The following TTC6 variants were observed in gnomAD, a reference collection of about 807,000 sequenced individuals.
The protein encoded by TTC6 is tetratricopeptide repeat domain 6, also known as tetratricopeptide repeat protein 6.
Under a neutral mutation model 210.4 loss-of-function variants are expected in TTC6, and 172 were observed. The observed-to-expected ratio is 0.82, with a 90% confidence interval of 0.72 to 0.93. The LOEUF (loss-of-function observed/expected upper bound fraction) is 0.93, where lower values mean the gene tolerates loss of function less well. Among genes scored for constraint, TTC6 ranks in the 40% least tolerant of loss-of-function variants. The pLI, the probability that TTC6 is intolerant of heterozygous loss-of-function variation, is 0.00. For synonymous variants in TTC6, 804 were observed against 819.6 expected, an observed-to-expected ratio of 0.98 and a Z score of 0.32; for missense variants, 2,414 against 2,318.1, an observed-to-expected ratio of 1.04 and a Z score of -0.85.
intron 1 of TTC6, among the ~76,000 whole-genome samples, chr14:37,631,834 C>G (rs1174712964): frequency 3.9e-5 from 6 of 152,106 alleles, no homozygotes; most frequent in African/African-American, 1.4e-4. Context: ...TTTCTCTAAT[C>G]TTGTCTTCAC....
At chr14:37,746,118 AT>A (rs1461980585) in intron 10 of TTC6, among the ~76,000 whole-genome samples, 1 of 152,152 alleles carries the variant, frequency 6.6e-6, no homozygotes, top group Non-Finnish European at 1.5e-5. Context: ...TATTGTGGTC[AT>A]TGTATCTACC....
At chr14:37,651,410 T>TAC in intron 1 of TTC6, among the ~76,000 whole-genome samples, 1 of 20,922 alleles carries the variant, frequency 4.8e-5, no homozygotes, top group East Asian at 1.4e-3. Context: ...TATATATATA[T>TAC]ATATATATAT....
intron 14 of TTC6, among the ~76,000 whole-genome samples, chr14:37,764,251 T>G (rs1349503410): frequency 6.6e-6 from 1 of 152,192 alleles, no homozygotes; most frequent in Non-Finnish European, 1.5e-5. Flanking sequence ...ACTCAGCTGT[T>G]GTTAGATGAA....
chr14:37,674,119 C>T (rs1028079157), intron 1 of TTC6, among the ~76,000 whole-genome samples: 2 of 151,822 alleles, frequency 1.3e-5, no homozygotes, highest in South Asian at 4.2e-4. Context: ...ATGTCTCAGT[C>T]ATTTTTTTTT....
At chr14:37,737,411 G>A (rs896578204) in intron 8 of TTC6, among the ~76,000 whole-genome samples, 5 of 136,850 alleles carry the variant, frequency 3.7e-5, no homozygotes, top group Non-Finnish European at 8.0e-5. Flanking sequence ...CTTGGTGTTT[G>A]TTATATCAAG....
exon 1 of TTC6, chr14:37,622,795 G>C: frequency 6.5e-7 from 1 of 1,534,558 alleles, no homozygotes; most frequent in Non-Finnish European, 8.7e-7. Flanking sequence ...GAAGCGGCGG[G>C]GTTAGGAGCC....
intron 9 of TTC6, among the ~76,000 whole-genome samples, chr14:37,738,477 A>G (rs192763474): frequency 2.2e-3 from 336 of 152,148 alleles, no homozygotes; most frequent in African/African-American, 7.8e-3. Flanking sequence ...GGATATATAG[A>G]GAGCATTCTC....
At chr14:37,837,778 A>G (rs1000692301) in intron 29 of TTC6, among the ~76,000 whole-genome samples, 3 of 152,210 alleles carry the variant, frequency 2.0e-5, no homozygotes, top group Non-Finnish European at 2.9e-5. Flanking sequence ...ATGTAAACCC[A>G]GCAATCTGAC....
chr14:37,811,132 T>C (rs563628802), intron 24 of TTC6, among the ~76,000 whole-genome samples: 2 of 152,180 alleles, frequency 1.3e-5, no homozygotes, highest in Non-Finnish European at 2.9e-5. Flanking sequence ...CTTACCCTCG[T>C]TGACCTTTAC....
chr14:37,713,223 T>C (rs2095847393), intron 5 of TTC6, among the ~76,000 whole-genome samples: 1 of 152,184 alleles, frequency 6.6e-6, no homozygotes, highest in Non-Finnish European at 1.5e-5. Flanking sequence ...AACTCAACAT[T>C]GTCATGACTG....
exon 30 of TTC6, chr14:37,841,652 G>C: frequency 6.2e-7 from 1 of 1,602,926 alleles, no homozygotes. Flanking sequence ...TGAACTAGCT[G>C]AGGAAGACCT....
At chr14:37,739,582 A>G (rs1382254751) in intron 10 of TTC6, among the ~76,000 whole-genome samples, 1 of 147,948 alleles carries the variant, frequency 6.8e-6, no homozygotes, top group Non-Finnish European at 1.5e-5. Flanking sequence ...AAAAAAAAAA[A>G]AAAAAAAAGA....
intron 13 of TTC6, among the ~76,000 whole-genome samples, chr14:37,751,995 T>C (rs183264667): frequency 6.6e-6 from 1 of 152,064 alleles, no homozygotes; most frequent in Admixed American, 6.6e-5. Context: ...GGTTAATTTT[T>C]TTTGTATTTT....
At chr14:37,659,823 C>T (rs1038518566) in intron 1 of TTC6, among the ~76,000 whole-genome samples, 2 of 152,018 alleles carry the variant, frequency 1.3e-5, no homozygotes, top group East Asian at 1.9e-4. Context: ...GCTTGGCCTT[C>T]GTTGTGGTTT....
At chr14:37,835,327 G>GT (rs199775244) in intron 29 of TTC6, among the ~76,000 whole-genome samples, 10 of 151,866 alleles carry the variant, frequency 6.6e-5, no homozygotes, top group Admixed American at 1.3e-4. Flanking sequence ...AGGGTAAGAG[G>GT]TTTTTTTTGT....
At chr14:37,777,770 GTTTT>G (rs71127243) in intron 14 of TTC6, among the ~76,000 whole-genome samples, 28,961 of 136,380 alleles carry the variant, frequency 0.21, 3,308 homozygotes, top group East Asian at 0.34. Flanking sequence ...CTTCGTGTAG[GTTTT>G]TTTTTTTTTT....
intron 1 of TTC6, among the ~76,000 whole-genome samples, chr14:37,673,975 G>C (rs2095763630): frequency 6.6e-6 from 1 of 152,086 alleles, no homozygotes. Context: ...TTAACTACTA[G>C]TTACAGTTTA....
intron 21 of TTC6, among the ~76,000 whole-genome samples, chr14:37,806,086 T>G (rs954165890): frequency 6.6e-6 from 1 of 152,222 alleles, no homozygotes; most frequent in Admixed American, 6.5e-5. Context: ...CAATGAAATC[T>G]GAAGAATAAT....
chr14:37,787,549 T>C lies in TTC6; in HGVS notation c.3348T>C (p.Asp1116=), dbSNP rs548561447. Residue 1116 remains aspartate (D), a synonymous_variant, in exon 15 of 31, where the codon GAT becomes GAC. Transcript: ENST00000553443. Reference sequence around the variant, plus strand: ...ATTTTTCTGCTGCAATTCACTTAGATCCTAATAACTGGTTAGCGTTGTATT... The same window carrying C: ...ATTTTTCTGCTGCAATTCACTTAGACCCTAATAACTGGTTAGCGTTGTATT... 10 of 1,531,850 alleles carry C rather than the reference T, an allele frequency of 6.5e-6. No homozygotes were observed. The African/African-American group carries it at 1.4e-4, about 21-fold the overall frequency. 94.9% of individuals were successfully genotyped at this position (1,531,850 alleles called of 1,614,324 possible). A position where few individuals can be genotyped will look rare whatever the true frequency, so the allele number is the denominator to read the frequency against.
Sources: allele counts gnomAD v4.1 joint callset (sites outside exome capture counted in the v4.1 genomes callset), GRCh38; gene constraint gnomAD v4.1.1; transcripts MANE v1.5; gene names NCBI Gene and HGNC (gene_info 2026-07-23, HGNC 2026-07-21).